The following PPARGC1B variants were observed in gnomAD, a reference collection of about 807,000 sequenced individuals.
PPARGC1B encodes peroxisome proliferator-activated receptor gamma coactivator 1-beta.
PPARGC1B carries 34 observed loss-of-function variants against 101.6 expected under a neutral mutation model. That is an observed-to-expected ratio of 0.33 (90% confidence interval 0.25 to 0.45). The LOEUF is 0.45. PPARGC1B is among the 20% of genes least tolerant of loss of function. The probability of loss-of-function intolerance (pLI) is 1.00; values close to 1 mark genes in which losing one functional copy is unlikely to be tolerated. For missense variants in PPARGC1B, 1,234 were observed against 1,317.6 expected, an observed-to-expected ratio of 0.94 and a Z score of 0.98; for synonymous variants, 548 against 539.3, an observed-to-expected ratio of 1.02 and a Z score of -0.22.
At chr5:149,810,848 A>T (rs1261082713) in intron 1 of PPARGC1B, among the ~76,000 whole-genome samples, 1 of 151,998 alleles carries the variant, frequency 6.6e-6, no homozygotes, top group South Asian at 2.1e-4. Context: ...AAATTGAGAG[A>T]TTCATTCACA....
At chr5:149,847,093 A>T (rs925186449) in intron 11 of PPARGC1B, 1 of 347,654 alleles carries the variant, frequency 2.9e-6, no homozygotes, top group South Asian at 2.8e-5. Context: ...TCAAAAAAAA[A>T]AAAATTCTAG....
chr5:149,755,901 C>G (rs949086904), intron 1 of PPARGC1B, among the ~76,000 whole-genome samples: 5 of 152,130 alleles, frequency 3.3e-5, no homozygotes, highest in Admixed American at 3.3e-4. Context: ...GCCTTGGCCC[C>G]CCAAAGTGCT....
At chr5:149,788,670 C>A (rs1756897820) in intron 1 of PPARGC1B, among the ~76,000 whole-genome samples, 1 of 152,170 alleles carries the variant, frequency 6.6e-6, no homozygotes, top group African/African-American at 2.4e-5. Context: ...AGACTTGGAA[C>A]CAACCCACAT....
intron 5 of PPARGC1B, among the ~76,000 whole-genome samples, chr5:149,834,460 T>A (rs985500305): frequency 6.6e-6 from 1 of 152,356 alleles, no homozygotes; most frequent in East Asian, 1.9e-4. Flanking sequence ...GTTTGTACTT[T>A]CTGCAAAATC....
intron 1 of PPARGC1B, among the ~76,000 whole-genome samples, chr5:149,776,959 A>AT: frequency 6.6e-6 from 1 of 151,726 alleles, no homozygotes; most frequent in African/African-American, 2.4e-5. Flanking sequence ...GTCCTTCCCC[A>AT]CCCTCAGCCC....
At position 149,796,926 on chromosome 5, in the gene PPARGC1B, G is replaced by A. The variant is rs534756673; in HGVS notation, c.79-23507G>A. ...AAAGGGCTCCTTTGCAGGCATAGCCGAGGACAGAGTTAATGCATGGAAGGA... is the reference window on the plus strand; with the variant it reads ...AAAGGGCTCCTTTGCAGGCATAGCCAAGGACAGAGTTAATGCATGGAAGGA... On this transcript the variant is annotated intron_variant, in intron 1 of 11. Transcript: ENST00000309241. Among the ~76,000 whole-genome samples, 24 of 152,296 alleles carry A rather than the reference G, an allele frequency of 1.6e-4. 1 individual carries two copies. In the Middle Eastern group the frequency reaches 0.024, roughly 151 times the overall value.
At chr5:149,735,690 G>C (rs1486994277) in intron 1 of PPARGC1B, among the ~76,000 whole-genome samples, 2 of 152,212 alleles carry the variant, frequency 1.3e-5, no homozygotes, top group Non-Finnish European at 2.9e-5. Context: ...TTACCTTTGA[G>C]TAAGTAGAAG....
Position 149,834,729 on chromosome 5 carries a change from T to C in PPARGC1B, c.1742+19T>C, listed in dbSNP as rs749253904. 5.0e-6 allele frequency: 8 copies of C among 1,606,378 alleles called. No individual in the cohort carries two copies. The East Asian group carries it at 1.6e-4, about 31-fold the overall frequency. ...CACAAAGGTAGATTTTTAGAAATTATTGGTGTATTGTTCCATGAGATTTTG... is the reference window on the plus strand; with the variant it reads ...CACAAAGGTAGATTTTTAGAAATTACTGGTGTATTGTTCCATGAGATTTTG... On this transcript the variant is annotated intron_variant, in intron 6 of 11. Coordinates refer to ENST00000309241, the MANE Select transcript of PPARGC1B (RefSeq NM_133263.4).
intron 1 of PPARGC1B, among the ~76,000 whole-genome samples, chr5:149,806,914 T>TA (rs144856818): frequency 2.6e-5 from 4 of 151,392 alleles, no homozygotes; most frequent in Non-Finnish European, 4.4e-5. Context: ...GCCAACTTTT[T>TA]AAAAAAAATT....
rs1393957215 is a variant in PPARGC1B, at chr5:149,837,827, C to A, written c.2618+754C>A. Among the ~76,000 whole-genome samples, 3 of 152,302 alleles carry A rather than the reference C, an allele frequency of 2.0e-5. No individual in the cohort carries two copies. Among genetic ancestry groups the A allele is most frequent in the South Asian group, 4.1e-4 (2 of 4,830 alleles). Reference sequence around the variant, plus strand: ...GCTTGAGGACAGTCAGTGTCATCATCCCCAGCCCTGTGTTGAGGTGAAGCT... The same window carrying A: ...GCTTGAGGACAGTCAGTGTCATCATACCCAGCCCTGTGTTGAGGTGAAGCT... On this transcript the variant is annotated intron_variant, in intron 8 of 11. Transcript: ENST00000309241. This position sits in a 1 kb window ranked among gnomAD's most constrained non-coding sequence, Gnocchi z 4.2.
At position 149,851,501 on chromosome 5, in the gene PPARGC1B, A is replaced by C. The variant is rs1377626090; in HGVS notation, c.*3943A>C. On this transcript the variant is annotated 3_prime_UTR_variant, in exon 12 of 12. Coordinates refer to ENST00000309241, the MANE Select transcript of PPARGC1B (RefSeq NM_133263.4). ...ATTTTTTTAGCATTTGAGATTTAGC[A>C]GCTGCCTTCAGTTTGGGGTTACCCA... 1.3e-5 allele frequency: 2 copies of C among 152,234 alleles called. No individual in the cohort carries two copies. Among genetic ancestry groups the C allele is most frequent in the Non-Finnish European group, 2.9e-5 (2 of 68,044 alleles). The allele number at this position is 152,234 out of a possible 1,614,324, so 9.4% of individuals were successfully genotyped here.
At position 149,837,091 on chromosome 5, in the gene PPARGC1B, C is replaced by A; in HGVS notation, c.2618+18C>A. The A allele has an allele frequency of 6.3e-7, 1 of 1,583,286 alleles. No homozygotes were observed. The highest frequency in any genetic ancestry group is 1.1e-5 in the South Asian group (1 of 87,928). On this transcript the variant is annotated intron_variant, in intron 8 of 11. Transcript: ENST00000309241. The surrounding 1 kb of genome is among the most constrained non-coding windows in gnomAD (Gnocchi z 4.2). ...AACTTCAGGTATGAACAGGGGGCTG[C>A]AGGAGAGGCAGCGGGCAGTGGAGGA...
At chr5:149,756,061 CT>C (rs145880936) in intron 1 of PPARGC1B, among the ~76,000 whole-genome samples, 3,867 of 152,254 alleles carry the variant, frequency 0.025, 139 homozygotes, top group African/African-American at 0.083. Flanking sequence ...GACTTCACCC[CT>C]CTGAGGTAAT....
At chr5:149,778,424 C>T (rs1263142672) in intron 1 of PPARGC1B, among the ~76,000 whole-genome samples, 1 of 151,874 alleles carries the variant, frequency 6.6e-6, no homozygotes, top group Non-Finnish European at 1.5e-5. Flanking sequence ...AGAGGAGGCT[C>T]CAAGCAGAAG....
At chr5:149,820,411 T>C (rs374118808) in intron 1 of PPARGC1B, 22 bp from the exon 2 acceptor site, 11 of 1,610,408 alleles carry the variant, frequency 6.8e-6, no homozygotes, top group Non-Finnish European at 9.3e-6. Flanking sequence ...CTGATCCACC[T>C]CTTTCCTTCC....
In PPARGC1B at chr5:149,730,602, G is replaced by A. The variant is rs569373622; in HGVS notation, c.78+182G>A. ...CCGTTACCGGGGCAGGGAGCCGGAG[G>A]TCTCCCGGCGCGTGCCGGAGCGCTG... On this transcript the variant is annotated intron_variant, in intron 1 of 11. Transcript: ENST00000309241. This position sits in a 1 kb window ranked among gnomAD's most constrained non-coding sequence, Gnocchi z 4.0. Among the ~76,000 whole-genome samples the A allele has an allele frequency of 2.3e-4, 35 of 152,094 alleles. No individual in the cohort carries two copies. The highest frequency in any genetic ancestry group is 4.6e-4 in the Non-Finnish European group (31 of 67,976).
chr5:149,774,492 T>G (rs542051506), intron 1 of PPARGC1B, among the ~76,000 whole-genome samples: 1 of 152,228 alleles, frequency 6.6e-6, no homozygotes, highest in South Asian at 2.1e-4. Context: ...TTCTGGCTTC[T>G]GGTCCCACGA....
chr5:149,855,156 A>C (rs1759915964), downstream of PPARGC1B: 1 of 151,910 alleles, frequency 6.6e-6, no homozygotes. Flanking sequence ...TCTGCTCCTC[A>C]CCTCACCACA....
In PPARGC1B at chr5:149,833,021, C is replaced by T. The variant is rs1213916893; in HGVS notation, c.948C>T (p.Cys316=). 1 of 1,613,744 alleles carries T rather than the reference C, an allele frequency of 6.2e-7. No homozygotes were observed. The highest frequency in any genetic ancestry group is 8.5e-7 in the Non-Finnish European group (1 of 1,180,006). Reference sequence around the variant, plus strand: ...CCCCTGAGCCACTCCCCAAGGCCTGCAGCAACCCCTCCCAGCAGGTCAGAT... The same window carrying T: ...CCCCTGAGCCACTCCCCAAGGCCTGTAGCAACCCCTCCCAGCAGGTCAGAT... ...PQTPEPLPKA[C]SNPSQQVRSR... is the part of the protein sequence containing the mutation. The change falls in exon 5 of 12, where the codon TGC becomes TGT. Residue 316 remains cysteine (C), a synonymous_variant. Coordinates refer to ENST00000309241, the MANE Select transcript of PPARGC1B (RefSeq NM_133263.4). This position sits in a 1 kb window ranked among gnomAD's most constrained non-coding sequence, Gnocchi z 4.1.
Sources: allele counts gnomAD v4.1 joint callset (sites outside exome capture counted in the v4.1 genomes callset), GRCh38; gene constraint gnomAD v4.1.1; non-coding constraint Gnocchi (gnomAD v3.1); transcripts MANE v1.5; gene names NCBI Gene and HGNC (gene_info 2026-07-23, HGNC 2026-07-21).